The following KLF2 variants were observed in gnomAD, a reference collection of about 807,000 sequenced individuals.
The protein encoded by KLF2 is KLF transcription factor 2.
In KLF2, 9 loss-of-function variants were observed where a neutral mutation model predicts 22.2. That is an observed-to-expected ratio of 0.40 (90% CI 0.24 to 0.71). KLF2 has a LOEUF of 0.71. KLF2 is among the 30% of genes least tolerant of loss of function. The pLI is 0.35. For missense variants in KLF2, 481 were observed against 542.1 expected (o/e 0.89, Z 1.12); for synonymous variants, 299 against 264.2 (o/e 1.13, Z -1.28).
In KLF2 at chr19:16,324,958, C is replaced by T; in HGVS notation, c.35C>T (p.Ser12Phe). 6.9e-6 allele frequency: 11 copies of T among 1,603,514 alleles called. No individual in the cohort carries two copies. The highest frequency in any genetic ancestry group is 9.4e-6 in the Non-Finnish European group (11 of 1,175,968). The change falls in exon 1 of 3, where the codon TCC (serine) becomes TTC (phenylalanine). Residue 12 changes from serine (S) to phenylalanine (F), a missense_variant. Ser to Phe is a radical substitution (Grantham distance 155). Around this residue, in one of 2 missense-constraint regions of KLF2, gnomAD observed 421 missense variants for 435.1 expected, o/e 0.97. Transcript: ENST00000248071. ...ALSEPILPSF[S>F]TFASPCRERG... is the part of the protein sequence containing the mutation. ...AGTGAACCCATCCTGCCGTCCTTCT[C>T]CACTTTCGCCAGCCCGTGCCGCGAG...
intron 2 of KLF2, 148 bp downstream of exon 2, chr19:16,326,180 C>T (rs1410046225): frequency 4.1e-6 from 3 of 738,076 alleles, no homozygotes; most frequent in African/African-American, 3.8e-5. Flanking sequence ...TAGGACTCCC[C>T]AGGAGGCGTG....
intron 1 of KLF2, 84 bp downstream of exon 1, chr19:16,325,082 A>G (rs1046775854): frequency 7.3e-7 from 1 of 1,365,124 alleles, no homozygotes; most frequent in Non-Finnish European, 9.9e-7. Context: ...GGGTGACAGG[A>G]CGCGAAGGCG....
rs2145198478 is a variant in KLF2 at position 16,327,840 on chromosome 19, T to A, written c.*809T>A. 1 of 151,916 alleles carries A rather than the reference T, an allele frequency of 6.6e-6. No homozygotes were observed. Among genetic ancestry groups the A allele is most frequent in the Middle Eastern group, 3.4e-3 (1 of 294 alleles). 9.4% of individuals were successfully genotyped at this position (151,916 alleles called of 1,614,324 possible). ...TCCCACTGACGTGGCCTCCTCTACG[T>A]TGAAAAAAATAAAACTACTTACCTC... is the stretch of plus-strand genomic sequence containing the variant. On this transcript the variant is annotated 3_prime_UTR_variant, in exon 3 of 3. Transcript: ENST00000248071.
rs376201257 is a variant in KLF2, at chr19:16,324,919, C to G, written c.-5C>G. ...GTCCGCGTCCTTTCTCCCCGGGTCC[C>G]GGCCATGGCGCTGAGTGAACCCATC... On this transcript the variant is annotated 5_prime_UTR_variant, in exon 1 of 3. Transcript: ENST00000248071. 6.3e-7 allele frequency: 1 copy of G among 1,594,796 alleles called. No homozygotes were observed. The highest frequency in any genetic ancestry group is 8.5e-7 in the Non-Finnish European group (1 of 1,172,152).
Position 16,324,863 on chromosome 19 carries a change from C to G in KLF2, c.-61C>G. The G allele has an allele frequency of 7.0e-7, 1 of 1,432,390 alleles. No homozygotes were observed. The highest frequency in any genetic ancestry group is 1.5e-5 in the African/African-American group (1 of 67,854). 88.7% of individuals were successfully genotyped at this position (1,432,390 alleles called of 1,614,324 possible). ...CCGCCCGCCCGCGCCCCGACCAGCC[C>G]GGCCTCGGGCAGCCACTCACCGGTG... On this transcript the variant is annotated 5_prime_UTR_variant, in exon 1 of 3. Coordinates refer to ENST00000248071, the MANE Select transcript of KLF2 (RefSeq NM_016270.4).
chr19:16,324,983 G>A lies in KLF2; in HGVS notation c.60G>A (p.Glu20=), dbSNP rs369888890. The change falls in exon 1 of 3, where the codon GAG becomes GAA. Residue 20 remains glutamate (E), a synonymous_variant. Coordinates refer to ENST00000248071, the MANE Select transcript of KLF2 (RefSeq NM_016270.4). ...CCACTTTCGCCAGCCCGTGCCGCGA[G>A]CGCGGCCTGCAGGAGGTGAGGGCGG... ...SFSTFASPCR[E]RGLQERWPRA... is the part of the protein sequence containing the mutation. 330 of 1,600,552 alleles carry A rather than the reference G, an allele frequency of 2.1e-4. No homozygotes were observed. The highest frequency in any genetic ancestry group is 5.4e-4 in the South Asian group (48 of 89,476).
At position 16,325,524 on chromosome 19, in the gene KLF2, G is replaced by A. The variant is rs1323515387; in HGVS notation, c.384G>A (p.Ala128=). ...TGGTCAAGGCCGAGCCCCCTGAAGCGGACGGCGGCGGCGGCTACGGCTGCG... is the reference window on the plus strand; with the variant it reads ...TGGTCAAGGCCGAGCCCCCTGAAGCAGACGGCGGCGGCGGCTACGGCTGCG... ...GRLVKAEPPE[A]DGGGGYGCAP... The change falls in exon 2 of 3, where the codon GCG becomes GCA. Residue 128 remains alanine (A), a synonymous_variant. Coordinates refer to ENST00000248071, the MANE Select transcript of KLF2 (RefSeq NM_016270.4). The A allele has an allele frequency of 1.7e-5, 22 of 1,273,954 alleles. No homozygotes were observed. Among genetic ancestry groups the A allele is most frequent in the Admixed American group, 4.4e-5 (1 of 22,854 alleles). 78.9% of individuals were successfully genotyped at this position (1,273,954 alleles called of 1,614,324 possible). A position where few individuals can be genotyped will look rare whatever the true frequency, so the allele number is the denominator to read the frequency against.
At chr19:16,326,334 G>A (rs140014996) in intron 2 of KLF2, among the ~76,000 whole-genome samples, 10 of 151,906 alleles carry the variant, frequency 6.6e-5, no homozygotes, top group African/African-American at 2.4e-4. Flanking sequence ...CTGGAGGCGT[G>A]GCTAGGGAGA....
chr19:16,324,855 G>T lies in KLF2; in HGVS notation c.-69G>T. ...AGCCGTCCCCGCCCGCCCGCGCCCC[G>T]ACCAGCCCGGCCTCGGGCAGCCACT... On this transcript the variant is annotated 5_prime_UTR_variant, in exon 1 of 3. Coordinates refer to ENST00000248071, the MANE Select transcript of KLF2 (RefSeq NM_016270.4). 1 of 1,328,458 alleles carries T rather than the reference G, an allele frequency of 7.5e-7. No individual in the cohort carries two copies. The allele number at this position is 1,328,458 out of a possible 1,614,324, so 82.3% of individuals were successfully genotyped here. A position where few individuals can be genotyped will look rare whatever the true frequency, so the allele number is the denominator to read the frequency against.
rs1436780025 is a variant in KLF2, at chr19:16,325,943, G to T, written c.803G>T (p.Arg268Leu). ...GGCCGCCGCTCTTGGCCCCGCAAACGCACCGCCACTCACACCTGCAGCTAC... is the reference window on the plus strand; with the variant it reads ...GGCCGCCGCTCTTGGCCCCGCAAACTCACCGCCACTCACACCTGCAGCTAC... ...KRGRRSWPRK[R>L]TATHTCSYAG... Residue 268 changes from arginine to leucine, a missense_variant, in exon 2 of 3, where the codon CGC becomes CTC. By Grantham distance (102) the Arg-to-Leu change is moderately radical. Transcript: ENST00000248071. 12 of 1,532,540 alleles carry T rather than the reference G, an allele frequency of 7.8e-6. No individual in the cohort carries two copies. Among genetic ancestry groups the T allele is most frequent in the Non-Finnish European group, 1.1e-5 (12 of 1,140,802 alleles). 94.9% of individuals were successfully genotyped at this position (1,532,540 alleles called of 1,614,324 possible).
In KLF2 at chr19:16,325,753, C is replaced by A. The variant is rs2091887681; in HGVS notation, c.613C>A (p.Pro205Thr). 5 of 1,228,618 alleles carry A rather than the reference C, an allele frequency of 4.1e-6. No homozygotes were observed. The highest frequency in any genetic ancestry group is 5.1e-6 in the Non-Finnish European group (5 of 988,970). 76.1% of individuals were successfully genotyped at this position (1,228,618 alleles called of 1,614,324 possible). ...PPFGGPGFGA[P>T]GPGLHYAPPA... ...TTTCGGTGGCCCTGGTTTCGGCGCG[C>A]CCGGGCCCGGCCTGCATTACGCGCC... The change falls in exon 2 of 3, where the codon CCC becomes ACC. Residue 205 changes from proline to threonine, a missense_variant. By Grantham distance (38) the Pro-to-Thr change is conservative (BLOSUM62 -1). Around this residue, in one of 2 missense-constraint regions of KLF2, gnomAD observed 421 missense variants for 435.1 expected, o/e 0.97. Transcript: ENST00000248071.
intron 2 of KLF2, among the ~76,000 whole-genome samples, chr19:16,326,280 C>G (rs1413208476): frequency 7.5e-6 from 1 of 132,608 alleles, no homozygotes; most frequent in East Asian, 2.1e-4. Flanking sequence ...ACGCTTAGGA[C>G]GAGGGGGGCC....
chr19:16,327,389 A>G lies in KLF2; in HGVS notation c.*358A>G, dbSNP rs2091893552. 1 of 215,172 alleles carries G rather than the reference A, an allele frequency of 4.6e-6. No individual in the cohort carries two copies. Among genetic ancestry groups the G allele is most frequent in the East Asian group, 1.0e-4 (1 of 9,680 alleles). The allele number at this position is 215,172 out of a possible 1,614,324, so 13.3% of individuals were successfully genotyped here. ...TTGTACTGTCTGCGGCATTTTTTAT[A>G]ATATTGTATATAGTGACTGACAAAT... On this transcript the variant is annotated 3_prime_UTR_variant, in exon 3 of 3. Coordinates refer to ENST00000248071, the MANE Select transcript of KLF2 (RefSeq NM_016270.4).
In KLF2 at chr19:16,325,635, C is replaced by T; in HGVS notation, c.495C>T (p.Gly165=). 1 of 1,068,568 alleles carries T rather than the reference C, an allele frequency of 9.4e-7. No homozygotes were observed. The highest frequency in any genetic ancestry group is 1.1e-6 in the Non-Finnish European group (1 of 887,760). The allele number at this position is 1,068,568 out of a possible 1,614,324, so 66.2% of individuals were successfully genotyped here. A position where few individuals can be genotyped will look rare whatever the true frequency, so the allele number is the denominator to read the frequency against. The change falls in exon 2 of 3, where the codon GGC becomes GGT. Residue 165 remains glycine, a synonymous_variant. Coordinates refer to ENST00000248071, the MANE Select transcript of KLF2 (RefSeq NM_016270.4). ...CTTCGTGCATGCGAGGTCCCGGGGG[C>T]CGCCCCCCGCCGCCGCCCGACACAC... is the stretch of plus-strand genomic sequence containing the variant. ...PAASCMRGPG[G]RPPPPPDTPP...
Position 16,325,321 on chromosome 19 carries a change from G to A in KLF2, c.181G>A (p.Ala61Thr), listed in dbSNP as rs750465917. The change falls in exon 2 of 3, where the codon GCC (alanine) becomes ACC (threonine). Residue 61 changes from alanine (A) to threonine (T), a missense_variant. Physicochemically the swap from Ala to Thr is moderately conservative, Grantham distance 58. This residue lies in a region of KLF2 where 421 missense variants were observed against 435.1 expected (regional missense o/e 0.97). Coordinates refer to ENST00000248071, the MANE Select transcript of KLF2 (RefSeq NM_016270.4). ...MGLDGLGAEA[A>T]PEPPPPPPPP... ...GCTGGATGGCCTGGGCGCCGAGGCC[G>A]CCCCGGAGCCGCCGCCGCCGCCCCC... 3 of 1,482,028 alleles carry A rather than the reference G, an allele frequency of 2.0e-6. No individual in the cohort carries two copies. Among genetic ancestry groups the A allele is most frequent in the Middle Eastern group, 1.9e-4 (1 of 5,130 alleles). The allele number at this position is 1,482,028 out of a possible 1,614,324, so 91.8% of individuals were successfully genotyped here.
chr19:16,328,131 T>C lies in KLF2; in HGVS notation c.*1100T>C, dbSNP rs1351478113. ...GAGAGGTAGCGGCAGGGTGGTGGAG[T>C]TGGGTTGTTAGCCTGCTCTGTCTGC... On this transcript the variant is annotated 3_prime_UTR_variant, in exon 3 of 3. Transcript: ENST00000248071. Among the ~76,000 whole-genome samples the C allele has an allele frequency of 1.3e-5, 2 of 151,348 alleles. No homozygotes were observed. Among genetic ancestry groups the C allele is most frequent in the Non-Finnish European group, 3.0e-5 (2 of 67,776 alleles).
intron 1 of KLF2, 78 bp downstream of exon 1, chr19:16,325,076 G>A (rs2091883954): frequency 7.2e-7 from 1 of 1,389,968 alleles, no homozygotes; most frequent in East Asian, 2.7e-5. Context: ...GCTGCGGGGT[G>A]ACAGGACGCG....
At position 16,327,562 on chromosome 19, in the gene KLF2, C is replaced by CTGGGGCCT. The variant is rs1468497001; in HGVS notation, c.*538_*545dup. The CTGGGGCCT allele has an allele frequency of 6.6e-6, 1 of 151,368 alleles. No homozygotes were observed. Among genetic ancestry groups the CTGGGGCCT allele is most frequent in the African/African-American group, 2.4e-5 (1 of 41,042 alleles). The allele number at this position is 151,368 out of a possible 1,614,324, so 9.4% of individuals were successfully genotyped here. ...ACAGCACTGGTCTGGTTGCTTGGAA[C>CTGGGGCCT]TGGGGCCTTGGGGCACTTGGGAGGA... is the stretch of plus-strand genomic sequence containing the variant. On this transcript the variant is annotated 3_prime_UTR_variant, in exon 3 of 3. Coordinates refer to ENST00000248071, the MANE Select transcript of KLF2 (RefSeq NM_016270.4).
Position 16,325,471 on chromosome 19 carries a change from C to A in KLF2, c.331C>A (p.Arg111Ser). The A allele has an allele frequency of 7.3e-7, 1 of 1,378,060 alleles. No homozygotes were observed. Among genetic ancestry groups the A allele is most frequent in the Non-Finnish European group, 9.3e-7 (1 of 1,070,302 alleles). 85.4% of individuals were successfully genotyped at this position (1,378,060 alleles called of 1,614,324 possible). A position where few individuals can be genotyped will look rare whatever the true frequency, so the allele number is the denominator to read the frequency against. Residue 111 changes from arginine to serine, a missense_variant, in exon 2 of 3, where the codon CGC (arginine) becomes AGC (serine). Arg to Ser is a moderately radical substitution (Grantham distance 110). Around this residue, in one of 2 missense-constraint regions of KLF2, gnomAD observed 421 missense variants for 435.1 expected, o/e 0.97. Coordinates refer to ENST00000248071, the MANE Select transcript of KLF2 (RefSeq NM_016270.4). ...DAPLGPALHGRFLLAPPGRLV... is the reference protein window; with the variant it reads ...DAPLGPALHGSFLLAPPGRLV... ...GCCGCTGGGGCCCGCACTGCACGGC[C>A]GCTTTCTGCTGGCGCCGCCCGGCCG...
Sources: allele counts gnomAD v4.1 joint callset (sites outside exome capture counted in the v4.1 genomes callset), GRCh38; gene constraint gnomAD v4.1.1; regional missense constraint gnomAD v4.1.1; transcripts MANE v1.5; gene names NCBI Gene and HGNC (gene_info 2026-07-23, HGNC 2026-07-21).